The following MAGI2 variants were observed in gnomAD, a reference collection of about 807,000 sequenced individuals.
MAGI2 encodes membrane associated guanylate kinase, WW and PDZ domain containing 2.
A neutral mutation model predicts 133.3 loss-of-function variants in MAGI2; 35 were observed. The observed-to-expected ratio is 0.26, with a 90% CI of 0.20 to 0.35. The LOEUF is 0.35. MAGI2 is among the 10% of genes least tolerant of loss of function. MAGI2 has a pLI of 1.00. For missense variants in MAGI2, 1,636 were observed against 1,863.4 expected, an observed-to-expected ratio of 0.88 and a Z score of 2.25; for synonymous variants, 729 against 710.6, an observed-to-expected ratio of 1.03 and a Z score of -0.41.
chr7:78,495,639 C>T (rs908106295), intron 5 of MAGI2, among the ~76,000 whole-genome samples: 2 of 152,138 alleles, frequency 1.3e-5, no homozygotes, highest in South Asian at 2.1e-4. Context: ...AGGTAATACA[C>T]AAATAAAGCT....
At chr7:78,469,239 G>A (rs945941956) in intron 6 of MAGI2, among the ~76,000 whole-genome samples, 1 of 152,116 alleles carries the variant, frequency 6.6e-6, no homozygotes, top group Non-Finnish European at 1.5e-5. Flanking sequence ...TACTATTCAT[G>A]AAATAGCCTA....
intron 2 of MAGI2, among the ~76,000 whole-genome samples, chr7:78,985,746 C>A (rs7793390): frequency 0.76 from 115,490 of 151,968 alleles, 44,239 homozygotes; most frequent in African/African-American, 0.85. Flanking sequence ...AGGAGACCTT[C>A]TATAATTCCA....
At chr7:78,711,400 A>T (rs1819174552) in intron 2 of MAGI2, among the ~76,000 whole-genome samples, 1 of 152,164 alleles carries the variant, frequency 6.6e-6, no homozygotes, top group Non-Finnish European at 1.5e-5. Flanking sequence ...TGATTTCATA[A>T]CGCTTATGTG....
At chr7:79,380,988 AC>A (rs1319597389) in intron 1 of MAGI2, among the ~76,000 whole-genome samples, 1 of 151,798 alleles carries the variant, frequency 6.6e-6, no homozygotes, top group Non-Finnish European at 1.5e-5. Context: ...AAAAACTGAT[AC>A]TTTAGACTGT....
intron 6 of MAGI2, among the ~76,000 whole-genome samples, chr7:78,405,007 T>C (rs1382793825): frequency 6.6e-6 from 1 of 152,008 alleles, no homozygotes; most frequent in Non-Finnish European, 1.5e-5. Context: ...GTTAACTCGT[T>C]AATGGTTTCT....
chr7:78,991,347 T>C (rs542334570), intron 2 of MAGI2, among the ~76,000 whole-genome samples: 135 of 151,778 alleles, frequency 8.9e-4, no homozygotes, highest in Non-Finnish European at 7.4e-4. Context: ...CACCCCTACA[T>C]ATACACATCA....
intron 3 of MAGI2, among the ~76,000 whole-genome samples, chr7:78,605,375 G>A (rs933409921): frequency 6.6e-6 from 1 of 152,194 alleles, no homozygotes; most frequent in Non-Finnish European, 1.5e-5. Context: ...TTGCACTAAG[G>A]TGGTGAACAT....
intron 3 of MAGI2, among the ~76,000 whole-genome samples, chr7:78,559,655 G>A (rs1359888378): frequency 2.0e-5 from 3 of 152,062 alleles, no homozygotes; most frequent in Non-Finnish European, 4.4e-5. Context: ...CAGAGTGCTG[G>A]CTTAAAGTCC....
chr7:78,141,459 A>C (rs1196637793), intron 16 of MAGI2, among the ~76,000 whole-genome samples: 1 of 152,178 alleles, frequency 6.6e-6, no homozygotes, highest in Non-Finnish European at 1.5e-5. Context: ...TGTCCTTCAA[A>C]AGAGTTTTCT....
At chr7:78,104,757 C>G (rs1563126217) in intron 20 of MAGI2, among the ~76,000 whole-genome samples, 1 of 152,164 alleles carries the variant, frequency 6.6e-6, no homozygotes, top group Admixed American at 6.5e-5. Flanking sequence ...CACCATGAAG[C>G]CTTCACGGAT....
intron 1 of MAGI2, chr7:79,414,377 G>T (rs1342822043): frequency 6.6e-6 from 1 of 152,004 alleles, no homozygotes; most frequent in Non-Finnish European, 1.5e-5. Context: ...GCTTGGCAGA[G>T]GGTTCATCTC....
chr7:78,592,826 C>CT (rs1563215159), intron 3 of MAGI2, among the ~76,000 whole-genome samples: 4 of 77,022 alleles, frequency 5.2e-5, no homozygotes, highest in Non-Finnish European at 1.1e-4. Flanking sequence ...ATTACTGATT[C>CT]TCTTTTTTTT....
intron 2 of MAGI2, among the ~76,000 whole-genome samples, chr7:78,689,193 C>T (rs1462502893): frequency 3.9e-5 from 6 of 152,208 alleles, no homozygotes; most frequent in Non-Finnish European, 8.8e-5. Context: ...TTACATATTA[C>T]ATTTTAGTAA....
At chr7:78,489,700 T>G (rs763080999) in intron 6 of MAGI2, 61 bp downstream of exon 6, 1 of 1,294,032 alleles carries the variant, frequency 7.7e-7, no homozygotes, top group Non-Finnish European at 1.1e-6. Context: ...GACTCTCATT[T>G]AAGAAACACA....
chr7:79,314,951 T>C (rs1233235681), intron 1 of MAGI2, among the ~76,000 whole-genome samples: 1 of 152,122 alleles, frequency 6.6e-6, no homozygotes, highest in Non-Finnish European at 1.5e-5. Flanking sequence ...ATTATATCAC[T>C]GGAAATTTAA....
chr7:79,424,695 TAA>T (rs1432525928), intron 1 of MAGI2, among the ~76,000 whole-genome samples: 2 of 152,154 alleles, frequency 1.3e-5, no homozygotes, highest in African/African-American at 2.4e-5. Context: ...ATTTAAAAAA[TAA>T]GTTTCAAAAA....
At chr7:78,272,029 C>T (rs374993711) in intron 9 of MAGI2, among the ~76,000 whole-genome samples, 19 of 152,096 alleles carry the variant, frequency 1.2e-4, no homozygotes, top group African/African-American at 3.9e-4. Context: ...CTTTTAATTG[C>T]GATGTTAGGG....
intron 2 of MAGI2, among the ~76,000 whole-genome samples, chr7:78,904,767 T>C (rs567599478): frequency 6.6e-5 from 10 of 152,252 alleles, no homozygotes; most frequent in African/African-American, 2.4e-4. Flanking sequence ...CCTCCCAAAG[T>C]GCTGGGATTA....
chr7:78,936,392 T>C (rs1238389070), intron 2 of MAGI2, among the ~76,000 whole-genome samples: 1 of 151,818 alleles, frequency 6.6e-6, no homozygotes, highest in Non-Finnish European at 1.5e-5. Flanking sequence ...AAAACAAATA[T>C]AGTTGAAGGA....
Sources: gnomAD v4.1 joint callset for allele counts (sites outside exome capture counted in the v4.1 genomes callset) on GRCh38, gnomAD v4.1.1 for gene constraint, MANE v1.5 for transcripts, NCBI Gene and HGNC (gene_info 2026-07-23, HGNC 2026-07-21) for gene names.